The following GRHL2 variants were observed in gnomAD, a reference collection of about 807,000 sequenced individuals.
The protein encoded by GRHL2 is grainyhead like transcription factor 2.
GRHL2 carries 21 observed loss-of-function variants against 83.8 expected under a neutral mutation model. The observed-to-expected ratio is 0.25, with a 90% CI of 0.18 to 0.36. The LOEUF is 0.36. Among genes scored for constraint, GRHL2 ranks in the 10% least tolerant of loss-of-function variants. The pLI, the probability that GRHL2 is intolerant of heterozygous loss-of-function variation, is 1.00. For missense variants in GRHL2, 623 were observed against 781.8 expected (o/e 0.80, Z 2.42); for synonymous variants, 280 against 278.9 (o/e 1.00, Z -0.04).
chr8:101,586,183 C>T (rs1176569673), intron 7 of GRHL2, among the ~76,000 whole-genome samples: 2 of 150,678 alleles, frequency 1.3e-5, no homozygotes, highest in East Asian at 3.9e-4. Context: ...GGGTTCACGC[C>T]ATTCTCCTGC....
intron 8 of GRHL2, among the ~76,000 whole-genome samples, chr8:101,607,510 A>G (rs1812655682): frequency 6.6e-6 from 1 of 152,214 alleles, no homozygotes; most frequent in Non-Finnish European, 1.5e-5. Context: ...ATAGATATTC[A>G]TGATTAAGAA....
intron 1 of GRHL2, among the ~76,000 whole-genome samples, chr8:101,497,282 T>G (rs1041286480): frequency 6.6e-6 from 1 of 152,190 alleles, no homozygotes; most frequent in Non-Finnish European, 1.5e-5. Context: ...CCTACTACCT[T>G]CAGCTACCAT....
intron 7 of GRHL2, among the ~76,000 whole-genome samples, chr8:101,580,272 A>G (rs1812022956): frequency 6.6e-6 from 1 of 152,236 alleles, no homozygotes; most frequent in South Asian, 2.1e-4. Flanking sequence ...TGGGATATCC[A>G]TCGCCTCAAA....
At chr8:101,672,107 A>C (rs529180772), downstream of GRHL2, among the ~76,000 whole-genome samples, 5 of 151,822 alleles carry the variant, frequency 3.3e-5, no homozygotes, top group South Asian at 8.4e-4. Flanking sequence ...ATGGGGAAAA[A>C]ACAGAGCAGA....
chr8:101,509,809 G>A (rs1810427129), intron 1 of GRHL2, among the ~76,000 whole-genome samples: 1 of 152,008 alleles, frequency 6.6e-6, no homozygotes, highest in Admixed American at 6.6e-5. Flanking sequence ...TGTGATCCAA[G>A]CTATATCTTC....
At chr8:101,596,433 A>G (rs1479207541) in intron 7 of GRHL2, among the ~76,000 whole-genome samples, 1 of 152,178 alleles carries the variant, frequency 6.6e-6, no homozygotes, top group Admixed American at 6.5e-5. Context: ...TTCTAAGAAT[A>G]TATATTAACG....
chr8:101,505,843 T>C (rs1480135353), intron 1 of GRHL2, among the ~76,000 whole-genome samples: 1 of 152,230 alleles, frequency 6.6e-6, no homozygotes, highest in Non-Finnish European at 1.5e-5. Context: ...AGTATCGTTA[T>C]GCTTGTTAGC....
chr8:101,617,621 C>T (rs888085528), intron 8 of GRHL2, among the ~76,000 whole-genome samples: 1 of 152,182 alleles, frequency 6.6e-6, no homozygotes, highest in Admixed American at 6.5e-5. Context: ...CCTCCCATCT[C>T]AGCCTCCCAA....
chr8:101,522,971 G>A (rs887325177), intron 1 of GRHL2, among the ~76,000 whole-genome samples: 2 of 150,896 alleles, frequency 1.3e-5, no homozygotes, highest in Non-Finnish European at 3.0e-5. Context: ...GTGCAGTGGT[G>A]CGATTTCTGC....
chr8:101,497,759 T>C (rs1035339074), intron 1 of GRHL2, among the ~76,000 whole-genome samples: 6 of 152,250 alleles, frequency 3.9e-5, no homozygotes, highest in Non-Finnish European at 7.3e-5. Context: ...GTTTACATAA[T>C]AGATGCAATT....
chr8:101,675,160 G>T, the GRHL2 span, among the ~76,000 whole-genome samples: 1 of 152,106 alleles, frequency 6.6e-6, no homozygotes, highest in Non-Finnish European at 1.5e-5. Flanking sequence ...AGACAGGGAT[G>T]CCCTCTCTCA....
At chr8:101,605,530 C>T (rs551014963) in intron 8 of GRHL2, among the ~76,000 whole-genome samples, 1 of 152,292 alleles carries the variant, frequency 6.6e-6, no homozygotes, top group South Asian at 2.1e-4. Context: ...TGAGCAAAGC[C>T]GTTCAATCAG....
chr8:101,504,605 T>C (rs1471753768), intron 1 of GRHL2, among the ~76,000 whole-genome samples: 1 of 152,106 alleles, frequency 6.6e-6, no homozygotes, highest in Non-Finnish European at 1.5e-5. Flanking sequence ...ATGACTTCCT[T>C]TAAAAACAAA....
At chr8:101,622,480 GTGACAGTATATTC>G (rs1478003301) in intron 9 of GRHL2, among the ~76,000 whole-genome samples, 1 of 152,144 alleles carries the variant, frequency 6.6e-6, no homozygotes, top group Non-Finnish European at 1.5e-5. Context: ...TGGAGACAGT[GTGACAGTATATTC>G]TGACAAGGTA....
chr8:101,680,956 T>G, the GRHL2 span, among the ~76,000 whole-genome samples: 1 of 120,876 alleles, frequency 8.3e-6, no homozygotes, highest in Non-Finnish European at 1.7e-5. Context: ...TAGCACTAAA[T>G]GCCCACAAGA....
chr8:101,600,557 A>T (rs1047945189), intron 8 of GRHL2, among the ~76,000 whole-genome samples: 3 of 152,142 alleles, frequency 2.0e-5, no homozygotes, highest in Non-Finnish European at 4.4e-5. Context: ...CTCAGAGGCT[A>T]GATTGCTGAA....
At chr8:101,561,483 A>G (rs1213359612) in intron 4 of GRHL2, among the ~76,000 whole-genome samples, 5 of 152,358 alleles carry the variant, frequency 3.3e-5, no homozygotes, top group Non-Finnish European at 7.3e-5. Flanking sequence ...ACAGTCCAGC[A>G]TAATTAGGCT....
Position 101,619,705 on chromosome 8 carries a change from A to G in GRHL2, c.1257+8A>G. On this transcript the variant is annotated splice_region_variant and intron_variant, in intron 9 of 15. Transcript: ENST00000646743. Reference sequence around the variant, plus strand: ...AAGGTCTTCTGTGACAAAGTGAGTAAAGATGACAGTTTTTTATAAAGGTAT... The same window carrying G: ...AAGGTCTTCTGTGACAAAGTGAGTAGAGATGACAGTTTTTTATAAAGGTAT... 1.2e-6 allele frequency: 2 copies of G among 1,604,988 alleles called. No individual in the cohort carries two copies. Among genetic ancestry groups the G allele is most frequent in the Non-Finnish European group, 1.7e-6 (2 of 1,171,998 alleles).
chr8:101,534,718 T>G (rs1392650048), intron 1 of GRHL2, among the ~76,000 whole-genome samples: 22 of 152,080 alleles, frequency 1.4e-4, no homozygotes, highest in Admixed American at 1.4e-3. Flanking sequence ...AGTCTGGATA[T>G]ATTTTGAAAA....
Sources: gnomAD v4.1 joint callset for allele counts (sites outside exome capture counted in the v4.1 genomes callset) on GRCh38, gnomAD v4.1.1 for gene constraint, MANE v1.5 for transcripts, NCBI Gene and HGNC (gene_info 2026-07-23, HGNC 2026-07-21) for gene names.